Variants in RYR2 observed in about 807,000 individuals in gnomAD.
The protein encoded by RYR2 is ryanodine receptor 2, also known as cardiac muscle ryanodine receptor-calcium release channel.
In RYR2, 227 loss-of-function variants were observed where a neutral mutation model predicts 601.1. The ratio of observed to expected loss-of-function variants is 0.38; its 90% CI spans 0.34 to 0.42. The LOEUF (loss-of-function observed/expected upper bound fraction) is 0.42, where lower values mean the gene tolerates loss of function less well. RYR2 is among the 10% of genes least tolerant of loss of function. The probability of loss-of-function intolerance (pLI) is 1.00; values close to 1 mark genes in which losing one functional copy is unlikely to be tolerated. For missense variants in RYR2, 4,646 were observed against 6,156.5 expected (o/e 0.75, Z 8.21); for synonymous variants, 2,223 against 2,175.1 (o/e 1.02, Z -0.61).
At position 237,374,766 on chromosome 1, in the gene RYR2, T is replaced by C. The variant is rs1162194929; in HGVS notation, c.434T>C (p.Phe145Ser). ...TSRSSTDKLAFDVGLQEDTTG... is the reference protein window; with the variant it reads ...TSRSSTDKLASDVGLQEDTTG... ...CGGTCTTCAACTGATAAGCTGGCTT[T>C]TGATGTTGGCTTGCAAGAGGACACC... The change falls in exon 7 of 105, where the codon TTT becomes TCT. Residue 145 changes from phenylalanine to serine, a missense_variant. This residue lies in a region of RYR2 where 153 missense variants were observed against 203.6 expected (regional missense o/e 0.75). Coordinates refer to ENST00000366574, the MANE Select transcript of RYR2 (RefSeq NM_001035.3). 1 of 1,613,026 alleles carries C rather than the reference T, an allele frequency of 6.2e-7. No homozygotes were observed. Among genetic ancestry groups the C allele is most frequent in the South Asian group, 1.1e-5 (1 of 90,788 alleles).
intron 16 of RYR2, among the ~76,000 whole-genome samples, chr1:237,464,360 A>G (rs2150273167): frequency 6.6e-6 from 1 of 150,732 alleles, no homozygotes; most frequent in East Asian, 1.9e-4. Context: ...TCACATCCTA[A>G]CTTCCATTCT....
At chr1:237,310,676 G>A (rs1313019616) in intron 2 of RYR2, among the ~76,000 whole-genome samples, 1 of 152,064 alleles carries the variant, frequency 6.6e-6, no homozygotes, top group Non-Finnish European at 1.5e-5. Flanking sequence ...TTTTCTTCTG[G>A]GTGTGTCTTT....
intron 1 of RYR2, among the ~76,000 whole-genome samples, chr1:237,098,645 G>A (rs1193109827): frequency 6.6e-6 from 1 of 152,126 alleles, no homozygotes; most frequent in Non-Finnish European, 1.5e-5. Flanking sequence ...TAAACATGGT[G>A]GACATGATGC....
intron 1 of RYR2, among the ~76,000 whole-genome samples, chr1:237,115,986 G>A (rs972927218): frequency 1.3e-5 from 2 of 152,074 alleles, no homozygotes; most frequent in African/African-American, 4.8e-5. Context: ...GACCCATAAG[G>A]AAAAAGGAGA....
At chr1:237,054,470 C>T (rs1468436216) in intron 1 of RYR2, among the ~76,000 whole-genome samples, 1 of 152,058 alleles carries the variant, frequency 6.6e-6, no homozygotes, top group East Asian at 1.9e-4. Flanking sequence ...TATCTTACTG[C>T]TCTTAAATTG....
At chr1:237,096,784 C>A (rs569229685) in intron 1 of RYR2, among the ~76,000 whole-genome samples, 11 of 152,328 alleles carry the variant, frequency 7.2e-5, no homozygotes, top group Admixed American at 2.6e-4. Flanking sequence ...CTGGCATGTT[C>A]GGAACCTGTT....
chr1:237,072,812 G>C (rs185997709), intron 1 of RYR2, among the ~76,000 whole-genome samples: 1 of 152,136 alleles, frequency 6.6e-6, no homozygotes, highest in East Asian at 1.9e-4. Flanking sequence ...CCCAGGCGTG[G>C]TGGCAGTCAC....
chr1:237,675,455 G>A (rs1377074327), intron 60 of RYR2, among the ~76,000 whole-genome samples: 3 of 152,152 alleles, frequency 2.0e-5, no homozygotes, highest in Non-Finnish European at 4.4e-5. Flanking sequence ...CCACATTGTT[G>A]AATTAAAATT....
At chr1:237,181,140 T>A (rs2148952978) in intron 1 of RYR2, among the ~76,000 whole-genome samples, 1 of 152,122 alleles carries the variant, frequency 6.6e-6, no homozygotes, top group African/African-American at 2.4e-5. Flanking sequence ...CCTGCCACCA[T>A]GCCCTGCTAA....
chr1:237,817,155 C>G (rs1268922625), intron 100 of RYR2, among the ~76,000 whole-genome samples: 1 of 152,072 alleles, frequency 6.6e-6, no homozygotes, highest in African/African-American at 2.4e-5. Flanking sequence ...CCTGAATGTG[C>G]CCAATCTCAT....
chr1:237,235,187 T>C (rs1011926116), intron 1 of RYR2, among the ~76,000 whole-genome samples: 1 of 152,206 alleles, frequency 6.6e-6, no homozygotes, highest in Non-Finnish European at 1.5e-5. Context: ...GAAAACATTC[T>C]AAAGCACTGT....
At chr1:237,134,978 A>T (rs182806774) in intron 1 of RYR2, among the ~76,000 whole-genome samples, 1 of 152,296 alleles carries the variant, frequency 6.6e-6, no homozygotes, top group African/African-American at 2.4e-5. Context: ...GGGAGGAAAA[A>T]TGGACATGGA....
In RYR2 at chr1:237,440,239, G is replaced by A. The variant is rs74328949; in HGVS notation, c.1006-1080G>A. On this transcript the variant is annotated intron_variant, in intron 12 of 104. Coordinates refer to ENST00000366574, the MANE Select transcript of RYR2 (RefSeq NM_001035.3). ...CCTTGGGGTTATTTTAAAATTGTTC[G>A]TTTTTGTTTAGCAGACATACATTTT... 2.1e-4 allele frequency among the ~76,000 whole-genome samples: 32 copies of A among 152,100 alleles called. No individual in the cohort carries two copies. The East Asian group carries it at 3.3e-3, about 16-fold the overall frequency.
chr1:237,214,789 T>A (rs1558438540), intron 1 of RYR2, among the ~76,000 whole-genome samples: 2 of 152,236 alleles, frequency 1.3e-5, no homozygotes, highest in Non-Finnish European at 2.9e-5. Flanking sequence ...TTTTCATGAA[T>A]GTATTCTTCC....
intron 1 of RYR2, among the ~76,000 whole-genome samples, chr1:237,257,266 C>T (rs1181817490): frequency 6.6e-6 from 1 of 152,164 alleles, no homozygotes; most frequent in African/African-American, 2.4e-5. Flanking sequence ...CTTACAATGG[C>T]TCTTTCTGCT....
intron 1 of RYR2, among the ~76,000 whole-genome samples, chr1:237,072,041 G>A (rs893073593): frequency 6.6e-6 from 1 of 152,238 alleles, no homozygotes; most frequent in South Asian, 2.1e-4. Flanking sequence ...CCTGCTGGGG[G>A]AAGAGGGTGT....
At chr1:237,688,125 C>T (rs1385889893) in intron 63 of RYR2, among the ~76,000 whole-genome samples, 1 of 152,214 alleles carries the variant, frequency 6.6e-6, no homozygotes, top group African/African-American at 2.4e-5. Context: ...GGTGGGCACT[C>T]ACTTTCCGCA....
intron 1 of RYR2, among the ~76,000 whole-genome samples, chr1:237,169,296 TTTCTTC>T (rs145284648): frequency 0.034 from 5,011 of 147,886 alleles, 250 homozygotes; most frequent in African/African-American, 0.11. Context: ...GCCTTTTTTT[TTTCTTC>T]TTCTTCTTTT....
At chr1:237,828,139 C>T (rs1357063479) in intron 101 of RYR2, among the ~76,000 whole-genome samples, 2 of 152,068 alleles carry the variant, frequency 1.3e-5, no homozygotes, top group Admixed American at 6.5e-5. Context: ...TTCCTGCTGT[C>T]ACTTCATTTT....
Sources: allele counts gnomAD v4.1 joint callset (sites outside exome capture counted in the v4.1 genomes callset), GRCh38; gene constraint gnomAD v4.1.1; regional missense constraint gnomAD v4.1.1; transcripts MANE v1.5; gene names NCBI Gene and HGNC (gene_info 2026-07-23, HGNC 2026-07-21).